KAZN: variants seen among roughly 807,000 people sequenced by gnomAD.
KAZN encodes kazrin.
In KAZN, 40 loss-of-function variants were observed where a neutral mutation model predicts 87.4. That is an observed-to-expected ratio of 0.46 (90% CI 0.36 to 0.60). KAZN has a LOEUF of 0.60. KAZN is among the 20% of genes least tolerant of loss of function. The pLI is 0.00. For synonymous variants in KAZN, 466 were observed against 458.3 expected (o/e 1.02, Z -0.22); for missense variants, 898 against 1,073.9 (o/e 0.84, Z 2.29).
At chr1:14,728,819 C>T (rs1643541665) in intron 1 of KAZN, among the ~76,000 whole-genome samples, 1 of 152,166 alleles carries the variant, frequency 6.6e-6, no homozygotes, top group Non-Finnish European at 1.5e-5. Context: ...GTGTCCTCAT[C>T]TGTAAAATGG....
intron 1 of KAZN, among the ~76,000 whole-genome samples, chr1:14,014,733 GA>G (rs558345945): frequency 6.6e-6 from 1 of 152,202 alleles, no homozygotes; most frequent in South Asian, 2.1e-4. Context: ...GTGTCTAACA[GA>G]AAAAGTACAT....
At chr1:15,067,038 C>T (rs16851197) in intron 8 of KAZN, 58,201 of 985,518 alleles carry the variant, frequency 0.059, 1,775 homozygotes, top group South Asian at 0.08. Context: ...TCCAAGGGTA[C>T]GACCAGTGGG....
At chr1:15,053,955 C>G (rs1674678959) in intron 4 of KAZN, among the ~76,000 whole-genome samples, 1 of 152,152 alleles carries the variant, frequency 6.6e-6, no homozygotes, top group Non-Finnish European at 1.5e-5. Context: ...CTGGAAGGAG[C>G]CCTGAAGATC....
chr1:14,555,142 G>A (rs1193410516), intron 2 of KAZN, among the ~76,000 whole-genome samples: 1 of 152,206 alleles, frequency 6.6e-6, no homozygotes, highest in Non-Finnish European at 1.5e-5. Flanking sequence ...AAGGATGGAA[G>A]TCCCCCTTCC....
intron 2 of KAZN, among the ~76,000 whole-genome samples, chr1:14,374,613 A>T (rs1031527233): frequency 1.3e-5 from 2 of 152,190 alleles, no homozygotes; most frequent in African/African-American, 4.8e-5. Context: ...GTGATGATCA[A>T]AGTTCAGTGG....
At chr1:14,840,665 G>A (rs1353988134) in intron 1 of KAZN, among the ~76,000 whole-genome samples, 2 of 152,356 alleles carry the variant, frequency 1.3e-5, no homozygotes, top group Admixed American at 6.5e-5. Context: ...CAGAAAGAGC[G>A]TGGTCATTTA....
intron 2 of KAZN, among the ~76,000 whole-genome samples, chr1:14,240,373 A>T (rs150964267): frequency 6.6e-6 from 1 of 152,224 alleles, no homozygotes; most frequent in Non-Finnish European, 1.5e-5. Flanking sequence ...GGCTCCAGGC[A>T]TGTGCAGCCC....
At chr1:15,088,090 C>G (rs148718284) in intron 8 of KAZN, among the ~76,000 whole-genome samples, 1 of 152,150 alleles carries the variant, frequency 6.6e-6, no homozygotes, top group African/African-American at 2.4e-5. Flanking sequence ...TCTTTTGCAC[C>G]GGGCCAAAAA....
At chr1:14,742,146 T>C (rs1328795082) in intron 1 of KAZN, among the ~76,000 whole-genome samples, 1 of 152,190 alleles carries the variant, frequency 6.6e-6, no homozygotes, top group Non-Finnish European at 1.5e-5. Flanking sequence ...GAACTGTGAG[T>C]GGGGTCCTCT....
intron 2 of KAZN, among the ~76,000 whole-genome samples, chr1:14,248,766 T>TC (rs1420401731): frequency 2.9e-4 from 44 of 152,270 alleles, no homozygotes; most frequent in African/African-American, 1.0e-3. Context: ...TCATGTCCCC[T>TC]CCCCTGAATC....
intron 1 of KAZN, among the ~76,000 whole-genome samples, chr1:13,936,096 G>T (rs1251893866): frequency 5.5e-4 from 47 of 84,822 alleles, no homozygotes; most frequent in South Asian, 1.8e-3. Context: ...TACAAGTGCA[G>T]TTTTTTTTTT....
chr1:14,954,558 G>A (rs569703031), intron 1 of KAZN, among the ~76,000 whole-genome samples: 2 of 152,194 alleles, frequency 1.3e-5, no homozygotes, highest in African/African-American at 4.8e-5. Flanking sequence ...TCATGGCAGC[G>A]GTCTGGATCT....
chr1:14,744,289 C>G (rs749576995), intron 1 of KAZN, among the ~76,000 whole-genome samples: 42 of 152,216 alleles, frequency 2.8e-4, no homozygotes, highest in Non-Finnish European at 8.8e-5. Flanking sequence ...GACTGCAACT[C>G]TGTAAGGTAG....
intron 1 of KAZN, among the ~76,000 whole-genome samples, chr1:14,029,881 T>G (rs915239901): frequency 1.6e-4 from 24 of 152,328 alleles, no homozygotes; most frequent in African/African-American, 5.5e-4. Flanking sequence ...ACTGTAGCCT[T>G]GTAGTATAGT....
chr1:14,087,590 G>A (rs1219233989), intron 1 of KAZN, among the ~76,000 whole-genome samples: 1 of 151,964 alleles, frequency 6.6e-6, no homozygotes, highest in East Asian at 1.9e-4. Flanking sequence ...TAGCTATAGA[G>A]TTTTAGATAT....
At chr1:14,639,016 C>T (rs369007793) in intron 1 of KAZN, among the ~76,000 whole-genome samples, 1 of 152,224 alleles carries the variant, frequency 6.6e-6, no homozygotes, top group African/African-American at 2.4e-5. Flanking sequence ...TCTAGTGCTA[C>T]CTTCCACCAT....
At chr1:14,318,892 TATC>T (rs1250163399) in intron 2 of KAZN, among the ~76,000 whole-genome samples, 7 of 151,992 alleles carry the variant, frequency 4.6e-5, no homozygotes, top group Admixed American at 4.6e-4. Flanking sequence ...CAATATATTT[TATC>T]ATTATGTTCA....
chr1:15,034,989 C>A, intron 3 of KAZN, 104 bp downstream of exon 3: 1 of 1,412,148 alleles, frequency 7.1e-7, no homozygotes, highest in Non-Finnish European at 9.8e-7. Flanking sequence ...TCCCCAAACA[C>A]AGATAGGGAG....
intron 8 of KAZN, among the ~76,000 whole-genome samples, chr1:15,088,712 C>T (rs1219146918): frequency 6.6e-6 from 1 of 152,034 alleles, no homozygotes; most frequent in Non-Finnish European, 1.5e-5. Context: ...CCCCAAGGCC[C>T]CCCTAGACTC....
Sources: allele counts gnomAD v4.1 joint callset (sites outside exome capture counted in the v4.1 genomes callset), GRCh38; gene constraint gnomAD v4.1.1; transcripts MANE v1.5; gene names NCBI Gene and HGNC (gene_info 2026-07-23, HGNC 2026-07-21).